TP63: variants seen among roughly 807,000 people sequenced by gnomAD.
TP63 encodes the protein tumor protein 63.
Under a neutral mutation model 82.8 loss-of-function variants are expected in TP63, and 17 were observed. That is an observed-to-expected ratio of 0.21 (90% CI 0.14 to 0.31). TP63 has a LOEUF of 0.31. TP63 is among the 10% of genes least tolerant of loss of function. The probability of loss-of-function intolerance (pLI) is 1.00; values close to 1 mark genes in which losing one functional copy is unlikely to be tolerated. For synonymous variants in TP63, 330 were observed against 321.7 expected (o/e 1.03, Z -0.28); for missense variants, 648 against 895.3 (o/e 0.72, Z 3.52).
At chr3:189,772,566 G>C (rs1311069919) in intron 3 of TP63, among the ~76,000 whole-genome samples, 1 of 152,192 alleles carries the variant, frequency 6.6e-6, no homozygotes, top group Non-Finnish European at 1.5e-5. Context: ...TATCTACTTG[G>C]AGAAAGTATC....
In TP63 at chr3:189,647,275, T is replaced by G. The variant is rs554766888; in HGVS notation, c.62+15698T>G. 1.7e-3 allele frequency among the ~76,000 whole-genome samples: 249 copies of G among 147,134 alleles called. 22 individuals are homozygous for G. The highest frequency in any genetic ancestry group is 0.01 in the Middle Eastern group (3 of 290). On this transcript the variant is annotated intron_variant, in intron 1 of 13. Coordinates refer to ENST00000264731, the MANE Select transcript of TP63 (RefSeq NM_003722.5). Reference sequence around the variant, plus strand: ...CCTTAGGCTAACAGTGACTATTTTGTCATTCTAGGCTTTTCTTAATTAGTC... The same window carrying G: ...CCTTAGGCTAACAGTGACTATTTTGGCATTCTAGGCTTTTCTTAATTAGTC...
intron 3 of TP63, among the ~76,000 whole-genome samples, chr3:189,768,924 A>G (rs1034699188): frequency 1.3e-5 from 2 of 152,190 alleles, no homozygotes; most frequent in African/African-American, 4.8e-5. Context: ...AGAAGATTCA[A>G]TCTAGGGTCA....
chr3:189,777,338 A>C (rs1723876823), intron 3 of TP63, among the ~76,000 whole-genome samples: 1 of 152,088 alleles, frequency 6.6e-6, no homozygotes, highest in African/African-American at 2.4e-5. Flanking sequence ...CTGGGATTAC[A>C]GGCACCCGCC....
chr3:189,700,908 A>G (rs1437290605), intron 1 of TP63, among the ~76,000 whole-genome samples: 1 of 152,248 alleles, frequency 6.6e-6, no homozygotes, highest in Non-Finnish European at 1.5e-5. Context: ...TATGGATCAT[A>G]TTAATATCAC....
upstream of TP63, among the ~76,000 whole-genome samples, chr3:189,629,697 A>G (rs1035797815): frequency 3.3e-5 from 5 of 152,188 alleles, no homozygotes; most frequent in Non-Finnish European, 4.4e-5. Flanking sequence ...AATCTGCATT[A>G]ACAAGATTTC....
intron 3 of TP63, among the ~76,000 whole-genome samples, chr3:189,782,741 C>G (rs1193915045): frequency 6.6e-6 from 1 of 152,064 alleles, no homozygotes; most frequent in Non-Finnish European, 1.5e-5. Flanking sequence ...TTAAGACCTT[C>G]TCTTTCCAAA....
intron 6 of TP63, among the ~76,000 whole-genome samples, chr3:189,867,033 T>C (rs914623386): frequency 6.6e-6 from 1 of 152,184 alleles, no homozygotes; most frequent in African/African-American, 2.4e-5. Context: ...CATATTCCCA[T>C]CTTAAGGGCA....
intron 4 of TP63, among the ~76,000 whole-genome samples, chr3:189,846,576 A>G (rs551834831): frequency 2.0e-5 from 3 of 149,184 alleles, no homozygotes; most frequent in East Asian, 2.0e-4. Context: ...TCTACTTTAT[A>G]TATTTATACA....
chr3:189,795,807 G>A (rs944681601), intron 3 of TP63, among the ~76,000 whole-genome samples: 4 of 152,030 alleles, frequency 2.6e-5, no homozygotes, highest in African/African-American at 9.7e-5. Flanking sequence ...CTCTAGGGAT[G>A]ATGAGTGACA....
At chr3:189,630,618 T>C (rs941758767), upstream of TP63, among the ~76,000 whole-genome samples, 24 of 152,100 alleles carry the variant, frequency 1.6e-4, no homozygotes, top group Middle Eastern at 3.2e-3. Context: ...ATTTGTGCAC[T>C]TCAGAATATT....
chr3:189,614,749 G>A, the TP63 span, among the ~76,000 whole-genome samples: 3 of 152,282 alleles, frequency 2.0e-5, no homozygotes, highest in South Asian at 6.2e-4. Flanking sequence ...AGATGTGGGG[G>A]CAGATATTTG....
chr3:189,703,675 A>G (rs1178649904), intron 1 of TP63, among the ~76,000 whole-genome samples: 3 of 152,228 alleles, frequency 2.0e-5, no homozygotes, highest in African/African-American at 7.2e-5. Flanking sequence ...GAAAAGCCAG[A>G]AAGTGCACTA....
intron 1 of TP63, among the ~76,000 whole-genome samples, chr3:189,708,189 A>G (rs1718339453): frequency 6.6e-6 from 1 of 152,242 alleles, no homozygotes; most frequent in Non-Finnish European, 1.5e-5. Context: ...AAAATGGTTT[A>G]CTAACATTGA....
chr3:189,674,653 C>T (rs1715229276), intron 1 of TP63, among the ~76,000 whole-genome samples: 1 of 152,122 alleles, frequency 6.6e-6, no homozygotes, highest in South Asian at 2.1e-4. Flanking sequence ...TCCCCTAACT[C>T]TCTGCCTATC....
At chr3:189,840,296 A>C (rs1005244865) in intron 4 of TP63, among the ~76,000 whole-genome samples, 1 of 146,656 alleles carries the variant, frequency 6.8e-6, no homozygotes, top group South Asian at 2.2e-4. Context: ...TATTGCTCCA[A>C]TTGGAGGATG....
chr3:189,792,375 G>A (rs1725236041), intron 3 of TP63, among the ~76,000 whole-genome samples: 2 of 152,000 alleles, frequency 1.3e-5, no homozygotes, highest in South Asian at 4.1e-4. Flanking sequence ...TCAAAATAAA[G>A]GAACTTCTTC....
intron 1 of TP63, among the ~76,000 whole-genome samples, chr3:189,666,118 G>A (rs1238386025): frequency 6.6e-6 from 1 of 151,968 alleles, no homozygotes; most frequent in Non-Finnish European, 1.5e-5. Context: ...AAGTAGGGGA[G>A]GTTGTTTATA....
At chr3:189,824,135 T>C (rs987580587) in intron 4 of TP63, among the ~76,000 whole-genome samples, 18 of 152,170 alleles carry the variant, frequency 1.2e-4, no homozygotes, top group Non-Finnish European at 1.9e-4. Flanking sequence ...AATTCATATT[T>C]TTCTCCCAGG....
chr3:189,607,988 TACAA>T, the TP63 span, among the ~76,000 whole-genome samples: 5,716 of 152,228 alleles, frequency 0.038, 122 homozygotes, highest in Middle Eastern at 0.061. Context: ...GTTCAGCCCT[TACAA>T]ACAGAGCAAA....
Sources: gnomAD v4.1 joint callset for allele counts (sites outside exome capture counted in the v4.1 genomes callset) on GRCh38, gnomAD v4.1.1 for gene constraint, MANE v1.5 for transcripts, NCBI Gene and HGNC (gene_info 2026-07-23, HGNC 2026-07-21) for gene names.